NBEA: variants seen among roughly 807,000 people sequenced by gnomAD.
NBEA encodes lysosomal-trafficking regulator 2.
A neutral mutation model predicts 343.4 loss-of-function variants in NBEA; 44 were observed. That is an observed-to-expected ratio of 0.13 (90% CI 0.10 to 0.16). NBEA has a LOEUF of 0.16. NBEA is among the 10% of genes least tolerant of loss of function. The pLI, the probability that NBEA is intolerant of heterozygous loss-of-function variation, is 1.00. For missense variants in NBEA, 2,555 were observed against 3,631.3 expected (o/e 0.70, Z 7.62); for synonymous variants, 1,175 against 1,238.7 (o/e 0.95, Z 1.08).
intron 38 of NBEA, among the ~76,000 whole-genome samples, chr13:35,377,714 C>T (rs1477042742): frequency 6.6e-6 from 1 of 152,086 alleles, no homozygotes; most frequent in Non-Finnish European, 1.5e-5. Flanking sequence ...TTTACCATAC[C>T]TTAACATCTT....
rs1041869282 is a variant in NBEA, at chr13:35,452,383, C to G, written c.6448+148C>G. ...GTTAAAACTCTACTTTATCTCATTT[C>G]TAATATTGAAGAGAGAACCCCAAAG... is the stretch of plus-strand genomic sequence containing the variant. On this transcript the variant is annotated intron_variant, in intron 40 of 58. Coordinates refer to ENST00000379939, the MANE Select transcript of NBEA (RefSeq NM_001385012.1). The G allele has an allele frequency of 6.1e-5, 39 of 638,420 alleles. No individual in the cohort carries two copies. In the South Asian group the frequency reaches 7.4e-4, roughly 12 times the overall value. The allele number at this position is 638,420 out of a possible 1,614,324, so 39.5% of individuals were successfully genotyped here.
At chr13:35,131,413 C>A (rs1166315386) in intron 17 of NBEA, among the ~76,000 whole-genome samples, 1 of 152,064 alleles carries the variant, frequency 6.6e-6, no homozygotes, top group Non-Finnish European at 1.5e-5. Flanking sequence ...AACATCAGGA[C>A]AACATTTCAT....
intron 4 of NBEA, 144 bp from the exon 5 acceptor site, chr13:35,048,419 C>G (rs1375162660): frequency 1.5e-6 from 1 of 688,230 alleles, no homozygotes; most frequent in African/African-American, 1.8e-5. Flanking sequence ...TAATAAAATA[C>G]TAGCTCTTAT....
intron 1 of NBEA, among the ~76,000 whole-genome samples, chr13:34,997,929 G>A (rs151051833): frequency 1.2e-4 from 19 of 152,242 alleles, no homozygotes; most frequent in African/African-American, 4.3e-4. Flanking sequence ...ATGCATCATA[G>A]TACCTTTTTC....
intron 10 of NBEA, among the ~76,000 whole-genome samples, chr13:35,080,228 C>A (rs1165549267): frequency 6.6e-6 from 1 of 152,066 alleles, no homozygotes; most frequent in Non-Finnish European, 1.5e-5. Flanking sequence ...TTTGTCCCTC[C>A]TAGTACAACT....
intron 39 of NBEA, among the ~76,000 whole-genome samples, chr13:35,438,806 A>C (rs1303946100): frequency 1.3e-5 from 2 of 152,190 alleles, no homozygotes; most frequent in Non-Finnish European, 2.9e-5. Context: ...CAGTCTCTTA[A>C]AATAATTTCA....
chr13:34,997,347 T>C (rs140506685), intron 1 of NBEA, among the ~76,000 whole-genome samples: 8 of 152,314 alleles, frequency 5.3e-5, no homozygotes, highest in African/African-American at 1.9e-4. Flanking sequence ...ACAATTCGAA[T>C]AGATGGTTTG....
At chr13:35,408,304 C>T (rs2043388610) in intron 38 of NBEA, among the ~76,000 whole-genome samples, 1 of 152,122 alleles carries the variant, frequency 6.6e-6, no homozygotes, top group South Asian at 2.1e-4. Flanking sequence ...AAGTGGCTAG[C>T]CATATGCAGA....
intron 35 of NBEA, among the ~76,000 whole-genome samples, chr13:35,298,184 T>C (rs1415151860): frequency 9.7e-6 from 1 of 102,872 alleles, no homozygotes; most frequent in African/African-American, 3.3e-5. Context: ...TGTGTGTGTG[T>C]GTATGTGTGT....
At chr13:34,999,646 A>T (rs1196448753) in intron 1 of NBEA, among the ~76,000 whole-genome samples, 1 of 151,528 alleles carries the variant, frequency 6.6e-6, no homozygotes, top group Non-Finnish European at 1.5e-5. Context: ...CTGTGTGTGA[A>T]TTTTTCTGTG....
intron 41 of NBEA, among the ~76,000 whole-genome samples, chr13:35,533,839 C>T (rs1009842920): frequency 6.6e-6 from 1 of 152,178 alleles, no homozygotes; most frequent in South Asian, 2.1e-4. Flanking sequence ...GTGTGCCACA[C>T]ACTATACTGA....
intron 10 of NBEA, among the ~76,000 whole-genome samples, chr13:35,074,273 A>G (rs2064010529): frequency 6.6e-6 from 1 of 152,104 alleles, no homozygotes; most frequent in Admixed American, 6.6e-5. Flanking sequence ...GACTGAGTAC[A>G]TATTCTTATT....
chr13:35,336,946 A>G (rs2039298809), intron 36 of NBEA, among the ~76,000 whole-genome samples: 1 of 152,088 alleles, frequency 6.6e-6, no homozygotes, highest in African/African-American at 2.4e-5. Flanking sequence ...TGACAAAATT[A>G]TCGATACACC....
intron 30 of NBEA, among the ~76,000 whole-genome samples, chr13:35,189,011 C>G (rs904860968): frequency 4.6e-5 from 7 of 151,440 alleles, no homozygotes; most frequent in Non-Finnish European, 1.0e-4. Context: ...CCTCCACCTC[C>G]CGGGTTCAAG....
intron 33 of NBEA, among the ~76,000 whole-genome samples, chr13:35,212,144 C>T (rs1200051405): frequency 6.6e-6 from 1 of 152,114 alleles, no homozygotes; most frequent in Non-Finnish European, 1.5e-5. Context: ...ACCAGGAACG[C>T]CTACTTTGCA....
intron 41 of NBEA, among the ~76,000 whole-genome samples, chr13:35,523,240 G>A (rs954773416): frequency 6.6e-6 from 1 of 152,018 alleles, no homozygotes; most frequent in Non-Finnish European, 1.5e-5. Flanking sequence ...TATTTTCACT[G>A]TTTTATATAT....
chr13:35,134,529 T>C (rs74048911), intron 17 of NBEA, among the ~76,000 whole-genome samples: 4,319 of 152,050 alleles, frequency 0.028, 95 homozygotes, highest in South Asian at 0.074. Context: ...AGTGTGAAGA[T>C]ATCCTTTAGA....
intron 55 of NBEA, among the ~76,000 whole-genome samples, chr13:35,659,066 T>G (rs558944678): frequency 6.6e-6 from 1 of 152,352 alleles, no homozygotes; most frequent in African/African-American, 2.4e-5. Context: ...AGGCCATATG[T>G]GTTTTCTATC....
intron 55 of NBEA, among the ~76,000 whole-genome samples, chr13:35,656,019 C>A (rs1447376717): frequency 6.6e-6 from 1 of 152,158 alleles, no homozygotes; most frequent in African/African-American, 2.4e-5. Context: ...ATGTCCCCAT[C>A]CTTCAGAAAT....
Sources: gnomAD v4.1 joint callset for allele counts (sites outside exome capture counted in the v4.1 genomes callset) on GRCh38, gnomAD v4.1.1 for gene constraint, MANE v1.5 for transcripts, NCBI Gene and HGNC (gene_info 2026-07-23, HGNC 2026-07-21) for gene names.